Variants in PSD3 observed in about 807,000 individuals in gnomAD.
PSD3 encodes the protein pleckstrin and Sec7 domain containing 3.
In PSD3, 49 loss-of-function variants were observed where a neutral mutation model predicts 105.5. The observed-to-expected ratio is 0.46, with a 90% confidence interval of 0.37 to 0.59. The LOEUF (loss-of-function observed/expected upper bound fraction) is 0.59, where lower values mean the gene tolerates loss of function less well. Ranked by LOEUF, PSD3 falls within the 20% of genes least tolerant of loss-of-function variation. PSD3 has a pLI of 0.00. For missense variants in PSD3, 1,561 were observed against 1,263.8 expected, an observed-to-expected ratio of 1.24 and a Z score of -3.57; for synonymous variants, 557 against 457.8, an observed-to-expected ratio of 1.22 and a Z score of -2.77.
chr8:19,059,171 G>C (rs1390426315), intron 1 of PSD3, among the ~76,000 whole-genome samples: 1 of 152,186 alleles, frequency 6.6e-6, no homozygotes. Flanking sequence ...TCATCGGAAA[G>C]TCTCTCATCC....
chr8:18,587,072 T>A (rs1451992685), intron 12 of PSD3, among the ~76,000 whole-genome samples: 1 of 151,994 alleles, frequency 6.6e-6, no homozygotes, highest in African/African-American at 2.4e-5. Context: ...CTCACCCAAA[T>A]AGTGGGGGAT....
At chr8:18,927,434 G>C (rs778658114) in intron 2 of PSD3, among the ~76,000 whole-genome samples, 1 of 152,056 alleles carries the variant, frequency 6.6e-6, no homozygotes, top group East Asian at 1.9e-4. Flanking sequence ...AGTTGGTCTC[G>C]AGCTCCTGAC....
At position 18,970,717 on chromosome 8, in the gene PSD3, G is replaced by A. The variant is rs372056290; in HGVS notation, c.22-34575C>T. On this transcript the variant is annotated intron_variant, in intron 1 of 15. Transcript: ENST00000327040. ...TGCCTATAATCCCAGCACTTTGGGA[G>A]GTGAAGGTGGGAGGAACATATGAGG... 1.9e-4 allele frequency among the ~76,000 whole-genome samples: 29 copies of A among 152,270 alleles called. No individual in the cohort carries two copies. In the East Asian group the frequency reaches 5.0e-3, roughly 26 times the overall value.
intron 9 of PSD3, among the ~76,000 whole-genome samples, chr8:18,764,472 T>C (rs1806802616): frequency 6.6e-6 from 1 of 152,158 alleles, no homozygotes; most frequent in Non-Finnish European, 1.5e-5. Flanking sequence ...TTTCTTGTAA[T>C]GTGCTGCAAA....
intron 4 of PSD3, among the ~76,000 whole-genome samples, chr8:18,856,267 C>T (rs1352723223): frequency 6.6e-6 from 1 of 152,188 alleles, no homozygotes; most frequent in Non-Finnish European, 1.5e-5. Context: ...GGGCTCTGCA[C>T]TAGAGTTATT....
At position 18,755,601 on chromosome 8, in the gene PSD3, G is replaced by T. The variant is rs533252747; in HGVS notation, c.2172+9848C>A. Among the ~76,000 whole-genome samples the T allele has an allele frequency of 2.7e-3, 405 of 152,096 alleles. 3 individuals carry two copies. Among genetic ancestry groups the T allele is most frequent in the Non-Finnish European group, 5.0e-3 (339 of 67,994 alleles). ...AAATTTCAATATAAATTCCCACTGG[G>T]AATCATTAATATTCCATTACAGTAC... On this transcript the variant is annotated intron_variant, in intron 9 of 15. Coordinates refer to ENST00000327040, the MANE Select transcript of PSD3 (RefSeq NM_015310.4).
intron 12 of PSD3, among the ~76,000 whole-genome samples, chr8:18,587,365 A>G (rs530606418): frequency 1.4e-3 from 219 of 152,296 alleles, no homozygotes; most frequent in African/African-American, 5.1e-3. Context: ...GGGACACTTT[A>G]TGACATTGTG....
intron 15 of PSD3, among the ~76,000 whole-genome samples, chr8:18,553,665 T>C (rs1328198728): frequency 6.6e-6 from 1 of 152,162 alleles, no homozygotes; most frequent in African/African-American, 2.4e-5. Flanking sequence ...AAAATTCCGG[T>C]GGCTGCAACA....
intron 1 of PSD3, among the ~76,000 whole-genome samples, chr8:19,040,488 G>A (rs1393191881): frequency 2.6e-5 from 4 of 152,184 alleles, no homozygotes; most frequent in Admixed American, 2.0e-4. Flanking sequence ...TTATAGGCGT[G>A]AGCCACTGCA....
chr8:18,637,991 A>C (rs148455299), intron 10 of PSD3, among the ~76,000 whole-genome samples: 5 of 152,016 alleles, frequency 3.3e-5, no homozygotes, highest in Admixed American at 3.3e-4. Context: ...CCCCATCTCT[A>C]CTAAAAATAC....
chr8:18,811,956 GA>G, intron 4 of PSD3, among the ~76,000 whole-genome samples: 1 of 152,054 alleles, frequency 6.6e-6, no homozygotes, highest in East Asian at 1.9e-4. Context: ...ACAGTCATTT[GA>G]AAAAACAATA....
intron 1 of PSD3, among the ~76,000 whole-genome samples, chr8:18,959,111 G>A (rs973303056): frequency 5.9e-5 from 9 of 152,018 alleles, no homozygotes; most frequent in African/African-American, 1.9e-4. Flanking sequence ...AGTAGAGACG[G>A]CATTTCACCA....
intron 4 of PSD3, chr8:18,865,227 TATATATATATA>T (rs1816739505): frequency 1.1e-3 from 5 of 4,424 alleles, no homozygotes; most frequent in South Asian, 0.015. Flanking sequence ...TTCTATGTTA[TATATATATATA>T]TATATATATA....
chr8:18,830,780 A>G (rs1366725986), intron 4 of PSD3, among the ~76,000 whole-genome samples: 1 of 152,174 alleles, frequency 6.6e-6, no homozygotes, highest in African/African-American at 2.4e-5. Flanking sequence ...ACATGGAAGT[A>G]TCTGCTTCCC....
rs1235374625 is a variant in PSD3 at position 18,872,636 on chromosome 8, A to G, written c.228T>C (p.Ser76=). The G allele has an allele frequency of 1.2e-6, 2 of 1,613,958 alleles. No homozygotes were observed. The highest frequency in any genetic ancestry group is 1.7e-6 in the Non-Finnish European group (2 of 1,179,968). Residue 76 remains serine (S), a synonymous_variant, in exon 3 of 16, where the codon TCT becomes TCC. Transcript: ENST00000327040. ...GCAGAGCCTCACCATCAAATTCCAGAGAAGCCCTTAGGCCTTCTCCACCTT... is the reference window on the plus strand; with the variant it reads ...GCAGAGCCTCACCATCAAATTCCAGGGAAGCCCTTAGGCCTTCTCCACCTT... ...MEEGGEGLRA[S]LEFDGEALPC...
At chr8:18,805,072 A>G (rs1047884083) in intron 4 of PSD3, among the ~76,000 whole-genome samples, 174 bp from the exon 5 acceptor site, 1 of 152,218 alleles carries the variant, frequency 6.6e-6, no homozygotes, top group African/African-American at 2.4e-5. Flanking sequence ...AGAACTAAAG[A>G]ACAGATTGCC....
At chr8:18,870,087 T>C (rs1817222880) in intron 3 of PSD3, among the ~76,000 whole-genome samples, 1 of 152,088 alleles carries the variant, frequency 6.6e-6, no homozygotes. Flanking sequence ...GGAGAGCTGA[T>C]GGGTTGGGGA....
chr8:18,912,863 AC>A lies in PSD3; in HGVS notation c.130+23170del, dbSNP rs533250747. ...AACATTTTCATGCAACAGGAAATAC[AC>A]CCTAAATTTTAGCTTGAGAGAAACA... On this transcript the variant is annotated intron_variant, in intron 2 of 15. Transcript: ENST00000327040. 1.5e-4 allele frequency among the ~76,000 whole-genome samples: 23 copies of A among 152,208 alleles called. No homozygotes were observed. The East Asian group carries it at 4.2e-3, about 28-fold the overall frequency.
intron 2 of PSD3, among the ~76,000 whole-genome samples, chr8:18,901,485 GT>G (rs949183412): frequency 6.6e-6 from 1 of 152,172 alleles, no homozygotes; most frequent in African/African-American, 2.4e-5. Context: ...TTTTGAAGTT[GT>G]TTGTATATCC....
Sources: allele counts gnomAD v4.1 joint callset (sites outside exome capture counted in the v4.1 genomes callset), GRCh38; gene constraint gnomAD v4.1.1; transcripts MANE v1.5; gene names NCBI Gene and HGNC (gene_info 2026-07-23, HGNC 2026-07-21).